SEMA3E: variants seen among roughly 807,000 people sequenced by gnomAD.
SEMA3E encodes the protein semaphorin-3E.
Under a neutral mutation model 93.6 loss-of-function variants are expected in SEMA3E, and 49 were observed. The ratio of observed to expected loss-of-function variants is 0.52; its 90% CI spans 0.42 to 0.66. The LOEUF (loss-of-function observed/expected upper bound fraction) is 0.66. Among genes scored for constraint, SEMA3E ranks in the 30% least tolerant of loss-of-function variants. The pLI, the probability that SEMA3E is intolerant of heterozygous loss-of-function variation, is 0.00. For missense variants in SEMA3E, 906 were observed against 964.8 expected (o/e 0.94, Z 0.81); for synonymous variants, 363 against 330.7 (o/e 1.10, Z -1.06).
chr7:83,370,264 C>A (rs944453617), intron 16 of SEMA3E, among the ~76,000 whole-genome samples: 1 of 152,034 alleles, frequency 6.6e-6, no homozygotes, highest in Admixed American at 6.6e-5. Context: ...ACATAAATAA[C>A]CCTTTAATAT....
At chr7:83,412,776 A>AC (rs1429080020) in intron 5 of SEMA3E, among the ~76,000 whole-genome samples, 13 of 151,826 alleles carry the variant, frequency 8.6e-5, no homozygotes, top group African/African-American at 3.1e-4. Flanking sequence ...AAAAAAAAAA[A>AC]AACACACAGG....
At chr7:83,390,162 T>C in intron 14 of SEMA3E, among the ~76,000 whole-genome samples, 1 of 15,304 alleles carries the variant, frequency 6.5e-5, no homozygotes, top group East Asian at 3.1e-3. Flanking sequence ...TGTGCACATA[T>C]ATGCGCGTAT....
At chr7:83,372,367 T>A in intron 16 of SEMA3E, 1 of 397,458 alleles carries the variant, frequency 2.5e-6, no homozygotes, top group Non-Finnish European at 4.4e-6. Context: ...TGAGAGTGAA[T>A]AATACATGAG....
chr7:83,612,722 T>C (rs1432189611), intron 1 of SEMA3E: 1 of 152,098 alleles, frequency 6.6e-6, no homozygotes, highest in Admixed American at 6.6e-5. Context: ...GTAAAACATA[T>C]ACATGTCTAT....
At chr7:83,405,887 A>C (rs891223046) in intron 8 of SEMA3E, 58 bp downstream of exon 8, 2 of 1,218,714 alleles carry the variant, frequency 1.6e-6, no homozygotes, top group Admixed American at 3.4e-5. Context: ...CCTAGGGATA[A>C]AGTTATAAAG....
chr7:83,386,867 C>T (rs1054016973), intron 15 of SEMA3E, 116 bp downstream of exon 15: 35 of 914,196 alleles, frequency 3.8e-5, no homozygotes, highest in Admixed American at 6.8e-5. Context: ...ATACTTATTA[C>T]ATTGTTCTAG....
At chr7:83,590,736 T>G (rs1792741029) in intron 1 of SEMA3E, among the ~76,000 whole-genome samples, 1 of 152,162 alleles carries the variant, frequency 6.6e-6, no homozygotes. Flanking sequence ...ATTGGGCTTC[T>G]GAAAGGTTTC....
intron 4 of SEMA3E, among the ~76,000 whole-genome samples, chr7:83,434,749 T>C (rs1469992541): frequency 2.0e-5 from 3 of 146,498 alleles, no homozygotes; most frequent in African/African-American, 7.5e-5. Context: ...AGTCTCGCTC[T>C]GTCGCCCAGG....
chr7:83,487,856 C>A (rs1329461231), intron 2 of SEMA3E, among the ~76,000 whole-genome samples: 1 of 151,984 alleles, frequency 6.6e-6, no homozygotes, highest in Non-Finnish European at 1.5e-5. Context: ...TTTGCTTCTA[C>A]TTTAACCTGT....
rs2713134 is a variant in SEMA3E, at chr7:83,504,742, T to C, written c.116-14468A>G. ...TGTTTATAACCTGTCGTGAGGCAAA[T>C]AGTACCTAAGAAGACCACCCATGTT... On this transcript the variant is annotated intron_variant, in intron 1 of 16. Coordinates refer to ENST00000643230, the MANE Select transcript of SEMA3E (RefSeq NM_012431.3). Among the ~76,000 whole-genome samples the C allele has an allele frequency of 9.6e-3, 1,461 of 152,246 alleles. 21 individuals carry two copies. The highest frequency in any genetic ancestry group is 0.033 in the African/African-American group (1,387 of 41,548).
chr7:83,605,453 T>C (rs888975541), intron 1 of SEMA3E, among the ~76,000 whole-genome samples: 1 of 151,364 alleles, frequency 6.6e-6, no homozygotes, highest in Admixed American at 6.6e-5. Flanking sequence ...TTTATTGAGA[T>C]GGAGTCTTGC....
rs1419290523 is a variant in SEMA3E, at chr7:83,392,322, TTTTAAC to T, written c.1667+227_1667+232del. On this transcript the variant is annotated intron_variant, in intron 14 of 16. Coordinates refer to ENST00000643230, the MANE Select transcript of SEMA3E (RefSeq NM_012431.3). ...TGTGTGGTGGCTTGTCGTTTCCACA[TTTTAAC>T]TTTATCTGAACTCGTTTCATGTCTT... 2.6e-4 allele frequency among the ~76,000 whole-genome samples: 40 copies of T among 152,192 alleles called. No individual in the cohort carries two copies. In the South Asian group the frequency reaches 7.9e-3, roughly 30 times the overall value.
At chr7:83,430,426 C>A (rs1247482963) in intron 4 of SEMA3E, among the ~76,000 whole-genome samples, 1 of 151,936 alleles carries the variant, frequency 6.6e-6, no homozygotes, top group Non-Finnish European at 1.5e-5. Flanking sequence ...AATCCCGCCA[C>A]TGCACTCCAG....
At chr7:83,377,697 A>G (rs1165742987) in intron 16 of SEMA3E, among the ~76,000 whole-genome samples, 2 of 152,006 alleles carry the variant, frequency 1.3e-5, no homozygotes, top group Non-Finnish European at 2.9e-5. Context: ...TTAGGTACTA[A>G]TCTTCTGAGC....
At chr7:83,631,909 A>T (rs1405832629) in intron 1 of SEMA3E, among the ~76,000 whole-genome samples, 1 of 152,172 alleles carries the variant, frequency 6.6e-6, no homozygotes, top group African/African-American at 2.4e-5. Flanking sequence ...TAATCCCAGT[A>T]CTTTGGGAGG....
chr7:83,603,634 G>A (rs1217086073), intron 1 of SEMA3E, among the ~76,000 whole-genome samples: 1 of 152,126 alleles, frequency 6.6e-6, no homozygotes, highest in African/African-American at 2.4e-5. Context: ...TTAGCAAATT[G>A]ATTCTATTAA....
chr7:83,584,265 G>A (rs549886455), intron 1 of SEMA3E, among the ~76,000 whole-genome samples: 2 of 152,014 alleles, frequency 1.3e-5, no homozygotes, highest in South Asian at 2.1e-4. Flanking sequence ...TGAGTATCTC[G>A]GAAGGAAGTT....
rs1172097095 is a variant in SEMA3E, at chr7:83,639,110, C to CAA, written c.115+9316_115+9317dup. Among the ~76,000 whole-genome samples the CAA allele has an allele frequency of 1.5e-3, 42 of 27,436 alleles. 2 individuals are homozygous for CAA. Among genetic ancestry groups the CAA allele is most frequent in the African/African-American group, 5.9e-3 (28 of 4,756 alleles). The allele number at this position is 27,436 out of a possible 152,430, so 18.0% of individuals were successfully genotyped here. A position where few individuals can be genotyped will look rare whatever the true frequency, so the allele number is the denominator to read the frequency against. The stretch of plus-strand genomic sequence containing the variant: ...TGGGCGACAGAGCGAGACTCCGTCT[C>CAA]AAAAAAAAAAAAAAAAAAAAAAAAA... On this transcript the variant is annotated intron_variant, in intron 1 of 16. Coordinates refer to ENST00000643230, the MANE Select transcript of SEMA3E (RefSeq NM_012431.3).
chr7:83,617,027 T>C (rs947063015), intron 1 of SEMA3E, among the ~76,000 whole-genome samples: 23 of 152,126 alleles, frequency 1.5e-4, no homozygotes, highest in African/African-American at 5.5e-4. Context: ...GCTTAAATAT[T>C]CCAATTTATG....
Sources: gnomAD v4.1 joint callset for allele counts (sites outside exome capture counted in the v4.1 genomes callset) on GRCh38, gnomAD v4.1.1 for gene constraint, MANE v1.5 for transcripts, NCBI Gene and HGNC (gene_info 2026-07-23, HGNC 2026-07-21) for gene names.